CAVIN1: variants seen among roughly 807,000 people sequenced by gnomAD.
CAVIN1 encodes the protein caveolae associated protein 1.
CAVIN1 carries 16 observed loss-of-function variants against 24.0 expected under a neutral mutation model. The observed-to-expected ratio is 0.67, with a 90% CI of 0.45 to 1.01. The LOEUF is 1.01. Among genes scored for constraint, CAVIN1 ranks in the 50% least tolerant of loss-of-function variants. The pLI, the probability that CAVIN1 is intolerant of heterozygous loss-of-function variation, is 0.00. For missense variants in CAVIN1, 510 were observed against 551.7 expected (o/e 0.92, Z 0.76); for synonymous variants, 256 against 256.4 (o/e 1.00, Z 0.02).
chr17:42,405,283 C>G lies in CAVIN1; in HGVS notation c.577G>C (p.Glu193Gln), dbSNP rs35308568. 1 of 1,612,882 alleles carries G rather than the reference C, an allele frequency of 6.2e-7. No homozygotes were observed. The highest frequency in any genetic ancestry group is 8.5e-7 in the Non-Finnish European group (1 of 1,179,966). The change falls in exon 2 of 2, where the codon GAG becomes CAG. Residue 193 changes from glutamate (E) to glutamine (Q), a missense_variant. Coordinates refer to ENST00000357037, the MANE Select transcript of CAVIN1 (RefSeq NM_012232.6). ...GEELGEGERPEEDAAALELSS... is the reference protein window; with the variant it reads ...GEELGEGERPQEDAAALELSS... ...AGCTCCAGCGCCGCTGCGTCCTCCT[C>G]GGGCCGCTCGCCCTCGCCCAGCTCC...
intron 1 of CAVIN1, among the ~76,000 whole-genome samples, chr17:42,410,956 A>G (rs1282068911): frequency 1.4e-5 from 2 of 147,940 alleles, no homozygotes; most frequent in Non-Finnish European, 1.5e-5. Flanking sequence ...GTGGTGGCTC[A>G]TGCCTGTAAT....
intron 1 of CAVIN1, among the ~76,000 whole-genome samples, chr17:42,421,991 G>A (rs1039370360): frequency 1.3e-5 from 2 of 152,210 alleles, no homozygotes; most frequent in African/African-American, 4.8e-5. Flanking sequence ...GAAAATGCCT[G>A]GTGGCCAGGA....
At position 42,404,732 on chromosome 17, in the gene CAVIN1, G is replaced by A. The variant is rs779608235; in HGVS notation, c.1128C>T (p.Thr376=). 1 of 1,502,182 alleles carries A rather than the reference G, an allele frequency of 6.7e-7. No individual in the cohort carries two copies. The highest frequency in any genetic ancestry group is 1.3e-5 in the South Asian group (1 of 75,422). The allele number at this position is 1,502,182 out of a possible 1,614,324, so 93.1% of individuals were successfully genotyped here. A position where few individuals can be genotyped will look rare whatever the true frequency, so the allele number is the denominator to read the frequency against. Residue 376 remains threonine (T), a synonymous_variant, in exon 2 of 2, where the codon ACC becomes ACT. Transcript: ENST00000357037. ...SPDVHALLEI[T]EESDAVLVDK... ...CCACCAGCACGGCGTCCGACTCCTC[G>A]GTGATCTCCAGCAGCGCGTGCACGT...
chr17:42,409,353 G>A lies in CAVIN1; in HGVS notation c.472-3965C>T, dbSNP rs376590591. 2.4e-4 allele frequency among the ~76,000 whole-genome samples: 36 copies of A among 152,154 alleles called. No individual in the cohort carries two copies. The South Asian group carries it at 5.4e-3, about 23-fold the overall frequency. On this transcript the variant is annotated intron_variant, in intron 1 of 1. Transcript: ENST00000357037. ...TGGGCTCAAGTGATCCCCTTGCCTC[G>A]GCCTCCCAAAGTGCTGAGATTTCTC...
chr17:42,416,644 T>A (rs1486489712), intron 1 of CAVIN1, among the ~76,000 whole-genome samples: 2 of 140,192 alleles, frequency 1.4e-5, no homozygotes, highest in Non-Finnish European at 3.1e-5. Context: ...AGGGATAGCA[T>A]GATTTCCTTT....
intron 1 of CAVIN1, among the ~76,000 whole-genome samples, chr17:42,406,601 C>T (rs760607966): frequency 2.1e-4 from 32 of 151,778 alleles, no homozygotes; most frequent in Non-Finnish European, 3.8e-4. Context: ...GGTCTCGAAC[C>T]CCTGACCTCA....
intron 1 of CAVIN1, among the ~76,000 whole-genome samples, chr17:42,414,090 G>A (rs567089142): frequency 1.5e-4 from 23 of 152,100 alleles, no homozygotes; most frequent in African/African-American, 4.1e-4. Flanking sequence ...TGGTAGAGAC[G>A]GAGTTTCGCC....
rs537427703 is a variant in CAVIN1 at position 42,405,795 on chromosome 17, C to A, written c.472-407G>T. 1.7e-3 allele frequency among the ~76,000 whole-genome samples: 255 copies of A among 149,964 alleles called. 3 individuals carry two copies. Among genetic ancestry groups the A allele is most frequent in the African/African-American group, 5.9e-3 (241 of 40,588 alleles). On this transcript the variant is annotated intron_variant, in intron 1 of 1. Transcript: ENST00000357037. ...CTCCGCCACCCGGGTTCAAGCAATT[C>A]TCCTGCCTCAGCCTCCCGAATAGCT...
At chr17:42,421,475 C>G (rs1400838312) in intron 1 of CAVIN1, among the ~76,000 whole-genome samples, 2 of 152,116 alleles carry the variant, frequency 1.3e-5, no homozygotes, top group Non-Finnish European at 2.9e-5. Flanking sequence ...AACCCCCCTG[C>G]CCCACACGAT....
In CAVIN1 at chr17:42,405,644, C is replaced by T. The variant is rs8074832; in HGVS notation, c.472-256G>A. Among the ~76,000 whole-genome samples, 126,537 of 149,526 alleles carry T rather than the reference C, an allele frequency of 0.85. 54,575 individuals carry two copies. The highest frequency in any genetic ancestry group is 0.99 in the East Asian group (5,011 of 5,068). On this transcript the variant is annotated intron_variant, in intron 1 of 1. Coordinates refer to ENST00000357037, the MANE Select transcript of CAVIN1 (RefSeq NM_012232.6). Reference sequence around the variant, plus strand: ...AACATATCACCCATCTCCGGCCCCCCAACCCCGCGTCGCCATTCTTTCTCT... The same window carrying T: ...AACATATCACCCATCTCCGGCCCCCTAACCCCGCGTCGCCATTCTTTCTCT...
At chr17:42,422,405 G>A (rs1254445004) in intron 1 of CAVIN1, among the ~76,000 whole-genome samples, 2 of 152,136 alleles carry the variant, frequency 1.3e-5, no homozygotes, top group African/African-American at 4.8e-5. Flanking sequence ...TGCAGAGCGC[G>A]CCCCTCTACG....
At chr17:42,412,560 ATT>A (rs60982549) in intron 1 of CAVIN1, among the ~76,000 whole-genome samples, 2 of 125,728 alleles carry the variant, frequency 1.6e-5, no homozygotes, top group Admixed American at 8.7e-5. Flanking sequence ...AACCCGGCTA[ATT>A]TTTTTTTTTT....
rs1045997656 is a variant in CAVIN1, at chr17:42,403,795, TTTTTG to T, written c.*887_*891del. 1 of 152,234 alleles carries T rather than the reference TTTTTG, an allele frequency of 6.6e-6. No individual in the cohort carries two copies. The highest frequency in any genetic ancestry group is 2.4e-5 in the African/African-American group (1 of 41,402). The allele number at this position is 152,234 out of a possible 1,614,324, so 9.4% of individuals were successfully genotyped here. On this transcript the variant is annotated 3_prime_UTR_variant, in exon 2 of 2. Coordinates refer to ENST00000357037, the MANE Select transcript of CAVIN1 (RefSeq NM_012232.6). ...GGCATGCGCAACCATGCCCAGCTAA[TTTTTG>T]TAATTTTAGTAGAGATGGGTTTTCG...
At chr17:42,416,587 C>T (rs2085513120) in intron 1 of CAVIN1, among the ~76,000 whole-genome samples, 1 of 102,858 alleles carries the variant, frequency 9.7e-6, no homozygotes, top group Non-Finnish European at 2.0e-5. Context: ...AGCTAAGATC[C>T]TTTCTCAAAA....
Position 42,405,193 on chromosome 17 carries a change from G to T in CAVIN1, c.667C>A (p.Arg223Ser), listed in dbSNP as rs771394691. 6.2e-7 allele frequency: 1 copy of T among 1,614,042 alleles called. No homozygotes were observed. Among genetic ancestry groups the T allele is most frequent in the East Asian group, 2.2e-5 (1 of 44,840 alleles). Reference sequence around the variant, plus strand: ...TCGTCCACGCGCCGCAGGCCGCTGCGCTTGATACGCTCTGCGCGGGACTCC... The same window carrying T: ...TCGTCCACGCGCCGCAGGCCGCTGCTCTTGATACGCTCTGCGCGGGACTCC... ...IEESRAERIK[R>S]SGLRRVDDFK... The change falls in exon 2 of 2, where the codon CGC becomes AGC. Residue 223 changes from arginine to serine, a missense_variant. Arg to Ser is a moderately radical substitution (Grantham distance 110). Transcript: ENST00000357037.
intron 1 of CAVIN1, among the ~76,000 whole-genome samples, chr17:42,406,597 G>A (rs915529127): frequency 2.6e-5 from 4 of 151,852 alleles, no homozygotes; most frequent in Non-Finnish European, 5.9e-5. Flanking sequence ...GATTGGTCTC[G>A]AACCCCTGAC....
chr17:42,420,188 T>C lies in CAVIN1; in HGVS notation c.471+2439A>G, dbSNP rs190858519. 2.0e-4 allele frequency among the ~76,000 whole-genome samples: 31 copies of C among 152,146 alleles called. 1 individual carries two copies. In the East Asian group the frequency reaches 6.0e-3, roughly 29 times the overall value. On this transcript the variant is annotated intron_variant, in intron 1 of 1. Coordinates refer to ENST00000357037, the MANE Select transcript of CAVIN1 (RefSeq NM_012232.6). Reference sequence around the variant, plus strand: ...GAATTCACACCATCCCAGGAAACTTTCTCCAAATCTCTGTCTCTTTGCCTG... The same window carrying C: ...GAATTCACACCATCCCAGGAAACTTCCTCCAAATCTCTGTCTCTTTGCCTG...
rs1019284265 is a variant in CAVIN1 at position 42,423,028 on chromosome 17, G to C, written c.70C>G (p.Pro24Ala). Residue 24 changes from proline (P) to alanine (A), a missense_variant, in exon 1 of 2, where the codon CCT becomes GCT. By Grantham distance (27) the Pro-to-Ala change is conservative. Coordinates refer to ENST00000357037, the MANE Select transcript of CAVIN1 (RefSeq NM_012232.6). ...PGYPDAEAPE[P>A]SSAGAQAAEE... ...GCTGCCTGAGCCCCAGCGGAGGAAGGCTCCGGGGCCTCGGCGTCGGGGTAC... is the reference window on the plus strand; with the variant it reads ...GCTGCCTGAGCCCCAGCGGAGGAAGCCTCCGGGGCCTCGGCGTCGGGGTAC... 1 of 1,611,876 alleles carries C rather than the reference G, an allele frequency of 6.2e-7. No individual in the cohort carries two copies.
chr17:42,418,313 C>G (rs1358697452), intron 1 of CAVIN1, among the ~76,000 whole-genome samples: 1 of 149,616 alleles, frequency 6.7e-6, no homozygotes, highest in South Asian at 2.1e-4. Context: ...CTCACCGCAA[C>G]CTCTGCCTCC....
Sources: gnomAD v4.1 joint callset for allele counts (sites outside exome capture counted in the v4.1 genomes callset) on GRCh38, gnomAD v4.1.1 for gene constraint, MANE v1.5 for transcripts, NCBI Gene and HGNC (gene_info 2026-07-23, HGNC 2026-07-21) for gene names.